Variants in EPHA5 observed in about 807,000 individuals in gnomAD.
EPHA5 encodes the protein ephrin type-A receptor 5.
In EPHA5, 60 loss-of-function variants were observed where a neutral mutation model predicts 105.0. The ratio of observed to expected loss-of-function variants is 0.57; its 90% CI spans 0.46 to 0.71. The LOEUF (loss-of-function observed/expected upper bound fraction) is 0.71. Among genes scored for constraint, EPHA5 ranks in the 30% least tolerant of loss-of-function variants. EPHA5 has a pLI of 0.00. For synonymous variants in EPHA5, 513 were observed against 449.1 expected, an observed-to-expected ratio of 1.14 and a Z score of -1.80; for missense variants, 1,218 against 1,274.7, an observed-to-expected ratio of 0.96 and a Z score of 0.68.
At chr4:65,421,832 G>A (rs924530190) in intron 5 of EPHA5, among the ~76,000 whole-genome samples, 2 of 152,076 alleles carry the variant, frequency 1.3e-5, no homozygotes, top group African/African-American at 4.8e-5. Flanking sequence ...TGAATGAATT[G>A]ATGGATGGAT....
intron 4 of EPHA5, among the ~76,000 whole-genome samples, chr4:65,494,067 T>G (rs1403322021): frequency 1.3e-5 from 2 of 152,190 alleles, no homozygotes; most frequent in African/African-American, 4.8e-5. Context: ...TCCATTGATA[T>G]GTATCCTTAC....
At chr4:65,568,635 C>T (rs1303115887) in intron 3 of EPHA5, among the ~76,000 whole-genome samples, 1 of 150,756 alleles carries the variant, frequency 6.6e-6, no homozygotes, top group African/African-American at 2.4e-5. Flanking sequence ...TTACTATCAT[C>T]CCATTTTCAA....
chr4:65,388,387 C>G (rs966144430), intron 8 of EPHA5, among the ~76,000 whole-genome samples: 6 of 151,796 alleles, frequency 4.0e-5, no homozygotes, highest in African/African-American at 1.4e-4. Context: ...CCTGAGGAAT[C>G]GCCACACTGA....
intron 1 of EPHA5, among the ~76,000 whole-genome samples, chr4:65,665,320 C>T (rs779075087): frequency 3.9e-4 from 59 of 151,874 alleles, no homozygotes; most frequent in South Asian, 6.2e-4. Flanking sequence ...AGTCAATCAA[C>T]AAAAGTGTGG....
intron 16 of EPHA5, among the ~76,000 whole-genome samples, chr4:65,326,421 A>T (rs1404764404): frequency 6.6e-6 from 1 of 151,434 alleles, no homozygotes; most frequent in Non-Finnish European, 1.5e-5. Context: ...AATGTAATTT[A>T]AAATGTCCAA....
chr4:65,649,146 T>C (rs553559862), intron 1 of EPHA5, among the ~76,000 whole-genome samples: 10 of 152,280 alleles, frequency 6.6e-5, no homozygotes, highest in African/African-American at 1.4e-4. Flanking sequence ...AGAATGAATA[T>C]GGGGAAATAA....
chr4:65,454,211 C>T (rs995081236), intron 5 of EPHA5, among the ~76,000 whole-genome samples: 3 of 151,922 alleles, frequency 2.0e-5, no homozygotes, highest in Non-Finnish European at 4.4e-5. Context: ...ACTCAGGAGG[C>T]GGAGGTTGCA....
rs558826477 is a variant in EPHA5, at chr4:65,450,205, T to C, written c.1403-29640A>G. Among the ~76,000 whole-genome samples the C allele has an allele frequency of 2.6e-5, 4 of 152,122 alleles. No homozygotes were observed. The South Asian group carries it at 8.3e-4, about 32-fold the overall frequency. On this transcript the variant is annotated intron_variant, in intron 5 of 16. Transcript: ENST00000613740. Reference sequence around the variant, plus strand: ...AGGATGATAGTATATTATGGAGAGATTGTGAGAGAGAAGAAATTAACTATA... The same window carrying C: ...AGGATGATAGTATATTATGGAGAGACTGTGAGAGAGAAGAAATTAACTATA...
At chr4:65,499,420 C>A (rs1732264623) in intron 3 of EPHA5, among the ~76,000 whole-genome samples, 1 of 151,554 alleles carries the variant, frequency 6.6e-6, no homozygotes, top group Admixed American at 6.6e-5. Flanking sequence ...CCAATTTTCC[C>A]AGTTTTATTC....
chr4:65,466,895 T>C (rs1728773031), intron 5 of EPHA5, among the ~76,000 whole-genome samples: 1 of 152,176 alleles, frequency 6.6e-6, no homozygotes, highest in African/African-American at 2.4e-5. Context: ...ATCCCTTCTG[T>C]AGCATTTCCT....
intron 5 of EPHA5, among the ~76,000 whole-genome samples, chr4:65,469,018 G>A (rs1346070467): frequency 2.0e-5 from 3 of 151,944 alleles, no homozygotes; most frequent in African/African-American, 4.8e-5. Context: ...TATCTTAAAC[G>A]GGCCCTTGAG....
At chr4:65,352,923 A>T in intron 12 of EPHA5, 119 bp downstream of exon 12, 1 of 484,356 alleles carries the variant, frequency 2.1e-6, no homozygotes, top group Non-Finnish European at 3.6e-6. Context: ...CTGTTCTATT[A>T]AAAACTTAAG....
chr4:65,418,083 A>T (rs1262582313), intron 6 of EPHA5, among the ~76,000 whole-genome samples: 1 of 152,192 alleles, frequency 6.6e-6, no homozygotes, highest in African/African-American at 2.4e-5. Flanking sequence ...CATCTCAGAT[A>T]GTCAAATATA....
In EPHA5 at chr4:65,366,074, G is replaced by T. The variant is rs780467321; in HGVS notation, c.1862-17C>A. 6.3e-7 allele frequency: 1 copy of T among 1,580,762 alleles called. No individual in the cohort carries two copies. The highest frequency in any genetic ancestry group is 2.3e-5 in the East Asian group (1 of 44,266). ...GCAGTTTAACTGTAAATATAAATTGGCATTAAAACAGAAGTAGTTGTGATG... is the reference window on the plus strand; with the variant it reads ...GCAGTTTAACTGTAAATATAAATTGTCATTAAAACAGAAGTAGTTGTGATG... On this transcript the variant is annotated splice_polypyrimidine_tract_variant and intron_variant, in intron 9 of 16. Coordinates refer to ENST00000613740, the MANE Select transcript of EPHA5 (RefSeq NM_001281766.3).
chr4:65,471,716 G>T (rs1729301986), intron 5 of EPHA5, among the ~76,000 whole-genome samples: 1 of 152,136 alleles, frequency 6.6e-6, no homozygotes, highest in Non-Finnish European at 1.5e-5. Context: ...TCTCATGATA[G>T]ATTTTTCATC....
chr4:65,543,866 C>T (rs1438360330), intron 3 of EPHA5, among the ~76,000 whole-genome samples: 7 of 151,880 alleles, frequency 4.6e-5, no homozygotes, highest in Non-Finnish European at 8.8e-5. Flanking sequence ...GTACTGGTAC[C>T]AAAACAGATA....
chr4:65,543,787 C>T (rs1379126866), intron 3 of EPHA5, among the ~76,000 whole-genome samples: 2 of 151,954 alleles, frequency 1.3e-5, no homozygotes, highest in Non-Finnish European at 2.9e-5. Context: ...GCAAAAAGTA[C>T]AAAGCCAGCG....
chr4:65,650,740 C>T (rs1748540254), intron 1 of EPHA5, among the ~76,000 whole-genome samples: 1 of 151,988 alleles, frequency 6.6e-6, no homozygotes, highest in Non-Finnish European at 1.5e-5. Flanking sequence ...CCAGTTAAAT[C>T]CTTGCCATAA....
At chr4:65,549,326 A>T (rs1350989584) in intron 3 of EPHA5, among the ~76,000 whole-genome samples, 2 of 152,170 alleles carry the variant, frequency 1.3e-5, no homozygotes, top group East Asian at 1.9e-4. Context: ...CAGATACAGA[A>T]TGAAGGAATT....
Sources: allele counts gnomAD v4.1 joint callset (sites outside exome capture counted in the v4.1 genomes callset), GRCh38; gene constraint gnomAD v4.1.1; transcripts MANE v1.5; gene names NCBI Gene and HGNC (gene_info 2026-07-23, HGNC 2026-07-21).